M1AP: variants seen among roughly 807,000 people sequenced by gnomAD.
M1AP encodes the protein meiosis 1 arrest protein.
A neutral mutation model predicts 51.2 loss-of-function variants in M1AP; 39 were observed. The ratio of observed to expected loss-of-function variants is 0.76; its 90% CI spans 0.59 to 1.00. The LOEUF (loss-of-function observed/expected upper bound fraction) is 1.00. Among genes scored for constraint, M1AP ranks in the 50% least tolerant of loss-of-function variants. The probability of loss-of-function intolerance (pLI) is 0.00; values close to 1 mark genes in which losing one functional copy is unlikely to be tolerated. For missense variants in M1AP, 545 were observed against 641.2 expected (o/e 0.85, Z 1.62); for synonymous variants, 251 against 249.2 (o/e 1.01, Z -0.07).
At chr2:74,624,241 G>A (rs363699) in intron 2 of M1AP, among the ~76,000 whole-genome samples, 1 of 152,188 alleles carries the variant, frequency 6.6e-6, no homozygotes, top group Non-Finnish European at 1.5e-5. Flanking sequence ...TTATCAGAAA[G>A]TCAAGTTAGA....
At chr2:74,630,414 G>A (rs992530061) in intron 2 of M1AP, among the ~76,000 whole-genome samples, 1 of 152,122 alleles carries the variant, frequency 6.6e-6, no homozygotes, top group African/African-American at 2.4e-5. Context: ...GTGGTTTGCT[G>A]TACCTATCAA....
At chr2:74,561,256 GAGGAGA>G (rs1677987420) in intron 8 of M1AP, among the ~76,000 whole-genome samples, 1 of 93,554 alleles carries the variant, frequency 1.1e-5, no homozygotes, top group Admixed American at 1.1e-4. Flanking sequence ...GGAGGAGGAG[GAGGAGA>G]AGAAGAAAAA....
intron 2 of M1AP, among the ~76,000 whole-genome samples, chr2:74,633,004 C>A (rs1264320105): frequency 1.3e-5 from 2 of 152,140 alleles, no homozygotes; most frequent in Admixed American, 6.5e-5. Flanking sequence ...CTTCTATTTG[C>A]CCTTCCAGAT....
At chr2:74,629,107 C>T (rs1028797641) in intron 2 of M1AP, among the ~76,000 whole-genome samples, 1 of 152,060 alleles carries the variant, frequency 6.6e-6, no homozygotes, top group Non-Finnish European at 1.5e-5. Context: ...AGAGTTTTTA[C>T]AAAACAAAAT....
At chr2:74,624,092 T>C (rs1682237563) in intron 2 of M1AP, among the ~76,000 whole-genome samples, 1 of 152,212 alleles carries the variant, frequency 6.6e-6, no homozygotes, top group Non-Finnish European at 1.5e-5. Flanking sequence ...TGTCTTGAAA[T>C]AGGCTGACAC....
rs963329697 is a variant in M1AP at position 74,558,868 on chromosome 2, G to T, written c.1441C>A (p.Gln481Lys). The change falls in exon 11 of 11, where the codon CAG becomes AAG. Residue 481 changes from glutamine (Q) to lysine (K), a missense_variant. Coordinates refer to ENST00000421985, the MANE Select transcript of M1AP (RefSeq NM_001321739.2). ...GCTCGAGCTCGGTTGGTCTGCAACT[G>T]CCCAGTCTGCAAAGAGAGCAACCAG... ...APRKHPCKTG[Q>K]LQTNRARATV... is the part of the protein sequence containing the mutation. 1.3e-6 allele frequency: 2 copies of T among 1,588,980 alleles called. No homozygotes were observed. The highest frequency in any genetic ancestry group is 1.7e-6 in the Non-Finnish European group (2 of 1,171,148).
chr2:74,576,587 C>A lies in M1AP; in HGVS notation c.801G>T (p.Leu267=). Residue 267 remains leucine (L), a synonymous_variant, in exon 6 of 11, where the codon CTG becomes CTT. Transcript: ENST00000421985. ...TGCCAGCGAGTAGGGATGGGCAGAG[C>A]AGTCGCTCTTGGAGATCACATTTCA... ...MCLKCDLQER[L]LCPSLLAGTA... is the part of the protein sequence containing the mutation. 6.2e-7 allele frequency: 1 copy of A among 1,614,108 alleles called. No individual in the cohort carries two copies. Among genetic ancestry groups the A allele is most frequent in the Non-Finnish European group, 8.5e-7 (1 of 1,179,990 alleles).
chr2:74,644,627 GA>G (rs1558704924), intron 1 of M1AP, among the ~76,000 whole-genome samples: 1 of 151,774 alleles, frequency 6.6e-6, no homozygotes. Context: ...TTGGATAGTG[GA>G]AGTCAGCATT....
chr2:74,576,017 T>G (rs1316322052), intron 6 of M1AP, among the ~76,000 whole-genome samples: 1 of 152,132 alleles, frequency 6.6e-6, no homozygotes, highest in Non-Finnish European at 1.5e-5. Flanking sequence ...CCGTGCCTAG[T>G]CTGCTAATTC....
chr2:74,615,358 G>T lies in M1AP; in HGVS notation c.241-209C>A, dbSNP rs764968121. 7.7e-5 allele frequency: 42 copies of T among 546,064 alleles called. No homozygotes were observed. The Middle Eastern group carries it at 4.5e-3, about 58-fold the overall frequency. The allele number at this position is 546,064 out of a possible 1,614,324, so 33.8% of individuals were successfully genotyped here. ...CAGAAGGAAAATTTGCAGCCATAAA[G>T]GTTTTGATTACTTAGAGTTACCAGA... On this transcript the variant is annotated intron_variant, in intron 2 of 10. Coordinates refer to ENST00000421985, the MANE Select transcript of M1AP (RefSeq NM_001321739.2).
At chr2:74,588,831 T>C (rs990592913) in intron 4 of M1AP, among the ~76,000 whole-genome samples, 2 of 152,236 alleles carry the variant, frequency 1.3e-5, no homozygotes, top group Admixed American at 1.3e-4. Context: ...GAGAGAGAAC[T>C]GTTGTCATTC....
Position 74,647,615 on chromosome 2 carries a change from C to G in M1AP, c.-53+650G>C, listed in dbSNP as rs188563015. 3.9e-3 allele frequency among the ~76,000 whole-genome samples: 587 copies of G among 152,224 alleles called. 2 individuals carry two copies. Among genetic ancestry groups the G allele is most frequent in the Non-Finnish European group, 5.7e-3 (386 of 68,022 alleles). On this transcript the variant is annotated intron_variant, in intron 1 of 10. Coordinates refer to ENST00000421985, the MANE Select transcript of M1AP (RefSeq NM_001321739.2). ...AACGAAATGAAAACATTCTCGTGGCCGGGCACGGTGGCTCACGCCTGTAAT... is the reference window on the plus strand; with the variant it reads ...AACGAAATGAAAACATTCTCGTGGCGGGGCACGGTGGCTCACGCCTGTAAT...
At chr2:74,615,345 T>A (rs1681605407) in intron 2 of M1AP, among the ~76,000 whole-genome samples, 196 bp from the exon 3 acceptor site, 1 of 152,192 alleles carries the variant, frequency 6.6e-6, no homozygotes. Context: ...GAAGGAAAAT[T>A]TGCAGCCATA....
intron 5 of M1AP, among the ~76,000 whole-genome samples, chr2:74,579,239 G>C (rs1235248785): frequency 6.6e-6 from 1 of 152,268 alleles, no homozygotes; most frequent in Non-Finnish European, 1.5e-5. Context: ...AATGCCATGT[G>C]ATAGTGGAAG....
intron 2 of M1AP, chr2:74,615,438 T>C (rs991259173): frequency 3.0e-6 from 1 of 332,896 alleles, no homozygotes; most frequent in African/African-American, 2.2e-5. Flanking sequence ...AATCCAGTTG[T>C]GTGACTGCTT....
intron 4 of M1AP, among the ~76,000 whole-genome samples, chr2:74,583,275 G>T (rs968435052): frequency 2.0e-5 from 3 of 152,142 alleles, no homozygotes; most frequent in Admixed American, 6.5e-5. Context: ...TGAATTTTGG[G>T]GTATCCCCTT....
intron 2 of M1AP, among the ~76,000 whole-genome samples, chr2:74,634,244 C>T (rs1364416292): frequency 6.6e-6 from 1 of 151,974 alleles, no homozygotes; most frequent in Admixed American, 6.6e-5. Context: ...CCAACAAATA[C>T]CTTGTATATT....
chr2:74,625,361 T>C (rs1001844137), intron 2 of M1AP, among the ~76,000 whole-genome samples: 3 of 152,178 alleles, frequency 2.0e-5, no homozygotes, highest in African/African-American at 7.2e-5. Context: ...TCATAGCTAT[T>C]TATCTTTAGA....
chr2:74,562,768 G>A (rs73949686), intron 7 of M1AP, among the ~76,000 whole-genome samples: 5,090 of 152,092 alleles, frequency 0.033, 272 homozygotes, highest in African/African-American at 0.11. Flanking sequence ...TAAAAACAGA[G>A]TCTTGAAGCC....
Sources: gnomAD v4.1 joint callset for allele counts (sites outside exome capture counted in the v4.1 genomes callset) on GRCh38, gnomAD v4.1.1 for gene constraint, MANE v1.5 for transcripts, NCBI Gene and HGNC (gene_info 2026-07-23, HGNC 2026-07-21) for gene names.